PER3: variants seen among roughly 807,000 people sequenced by gnomAD.
PER3 encodes the protein period circadian protein homolog 3.
PER3 carries 107 observed loss-of-function variants against 127.2 expected under a neutral mutation model. The ratio of observed to expected loss-of-function variants is 0.84; its 90% CI spans 0.72 to 0.99. PER3 has a LOEUF of 0.99. Ranked by LOEUF, PER3 falls within the 50% of genes least tolerant of loss-of-function variation. PER3 has a pLI of 0.00. For synonymous variants in PER3, 618 were observed against 585.8 expected, an observed-to-expected ratio of 1.05 and a Z score of -0.79; for missense variants, 1,560 against 1,525.8, an observed-to-expected ratio of 1.02 and a Z score of -0.37.
intron 4 of PER3, chr1:7,787,660 G>T (rs188071045): frequency 1.1e-4 from 35 of 323,112 alleles, no homozygotes; most frequent in Middle Eastern, 1.1e-3. Context: ...AATGAGGTTT[G>T]TCAAGGACAG....
In PER3 at chr1:7,788,188, A is replaced by G. The variant is rs1198796696; in HGVS notation, c.534A>G (p.Val178=). 1 of 1,614,058 alleles carries G rather than the reference A, an allele frequency of 6.2e-7. No homozygotes were observed. The highest frequency in any genetic ancestry group is 8.5e-7 in the Non-Finnish European group (1 of 1,179,924). The part of the protein sequence containing the change: ...VDLLAPQDMR[V]FYAHTARAQL... ...TGCTTGCACCTCAAGACATGAGGGT[A>G]TTCTACGCGCACACTGCCAGAGCTC... Residue 178 remains valine, a synonymous_variant, in exon 5 of 22, where the codon GTA becomes GTG. Coordinates refer to ENST00000377532, the MANE Select transcript of PER3 (RefSeq NM_001377275.1).
Position 7,826,361 on chromosome 1 carries a change from T to A in PER3, c.1958-119T>A. Reference sequence around the variant, plus strand: ...TTCTGTGCTAGGCTAATGAAGATTTTTCGTATTCCAGCAGTTATAATAATG... The same window carrying A: ...TTCTGTGCTAGGCTAATGAAGATTTATCGTATTCCAGCAGTTATAATAATG... On this transcript the variant is annotated intron_variant, in intron 16 of 21. Coordinates refer to ENST00000377532, the MANE Select transcript of PER3 (RefSeq NM_001377275.1). The surrounding 1 kb of genome is among the most constrained non-coding windows in gnomAD (Gnocchi z 4.2). The A allele has an allele frequency of 1.6e-6, 1 of 642,142 alleles. No individual in the cohort carries two copies. The highest frequency in any genetic ancestry group is 2.8e-6 in the Non-Finnish European group (1 of 359,758). 39.8% of individuals were successfully genotyped at this position (642,142 alleles called of 1,614,324 possible). A position where few individuals can be genotyped will look rare whatever the true frequency, so the allele number is the denominator to read the frequency against.
At position 7,785,489 on chromosome 1, in the gene PER3, C is replaced by G. The variant is rs371831124; in HGVS notation, c.177C>G (p.Val59=). The G allele has an allele frequency of 2.2e-4, 361 of 1,611,924 alleles. No individual in the cohort carries two copies. The highest frequency in any genetic ancestry group is 2.8e-4 in the Non-Finnish European group (334 of 1,178,142). Residue 59 remains valine (V), a synonymous_variant, in exon 3 of 22, where the codon GTC becomes GTG. Coordinates refer to ENST00000377532, the MANE Select transcript of PER3 (RefSeq NM_001377275.1). The stretch of plus-strand genomic sequence containing the variant: ...TTTCTGAAGAACTTATCATGGTTGT[C>G]CAAGAAATGAAAAAATACTTCCCCT... The part of the protein sequence containing the change: ...NRVSEELIMV[V]QEMKKYFPSE...
At chr1:7,806,805 AAAAAAAAATAT>A (rs1435467869) in intron 10 of PER3, among the ~76,000 whole-genome samples, 1 of 86,120 alleles carries the variant, frequency 1.2e-5, no homozygotes, top group Non-Finnish European at 2.3e-5. Flanking sequence ...TAAAAAAAAA[AAAAAAAAATAT>A]ATATATATAT....
At chr1:7,830,309 GTA>G in intron 19 of PER3, 148 bp downstream of exon 19, 1 of 680,014 alleles carries the variant, frequency 1.5e-6, no homozygotes, top group Non-Finnish European at 2.5e-6. Context: ...GTATATTGGG[GTA>G]TATTTATACA....
chr1:7,831,732 C>A (rs1021706339), intron 19 of PER3, among the ~76,000 whole-genome samples: 1 of 152,308 alleles, frequency 6.6e-6, no homozygotes, highest in South Asian at 2.1e-4. Flanking sequence ...AATAAATTAA[C>A]CTTGCATTTG....
intron 6 of PER3, among the ~76,000 whole-genome samples, chr1:7,795,568 G>A (rs1021946813): frequency 6.6e-6 from 1 of 152,210 alleles, no homozygotes. Context: ...GGCAGAGGGA[G>A]CAGCAGGCGC....
chr1:7,808,116 C>T (rs1894676), intron 10 of PER3, among the ~76,000 whole-genome samples: 1 of 151,582 alleles, frequency 6.6e-6, no homozygotes, highest in Non-Finnish European at 1.5e-5. Flanking sequence ...ACCTGTAATC[C>T]CAGCTACTCG....
chr1:7,807,483 G>A (rs1405252659), intron 10 of PER3, among the ~76,000 whole-genome samples: 1 of 152,166 alleles, frequency 6.6e-6, no homozygotes, highest in Non-Finnish European at 1.5e-5. Flanking sequence ...TTAGGTAACT[G>A]AGCTGCATGT....
rs60220289 is a variant in PER3 at position 7,808,232 on chromosome 1, C to CAAAAAAAA, written c.1137-641_1137-634dup. Among the ~76,000 whole-genome samples, 59 of 97,712 alleles carry CAAAAAAAA rather than the reference C, an allele frequency of 6.0e-4. 1 individual carries two copies. The highest frequency in any genetic ancestry group is 1.4e-3 in the African/African-American group (42 of 29,540). 64.1% of individuals were successfully genotyped at this position (97,712 alleles called of 152,430 possible). On this transcript the variant is annotated intron_variant, in intron 10 of 21. Coordinates refer to ENST00000377532, the MANE Select transcript of PER3 (RefSeq NM_001377275.1). ...TGGGTGACAGAGCAAGACTCTGTCT[C>CAAAAAAAA]AAAAAAAAAAAAAAAAAAAAAAAAA...
At chr1:7,837,286 C>G in intron 21 of PER3, 137 bp downstream of exon 21, 1 of 614,432 alleles carries the variant, frequency 1.6e-6, no homozygotes. Context: ...TGTTATTATT[C>G]CCTCTTTACC....
At chr1:7,834,067 C>T (rs565061036) in intron 19 of PER3, among the ~76,000 whole-genome samples, 29 of 152,272 alleles carry the variant, frequency 1.9e-4, no homozygotes, top group African/African-American at 4.8e-4. Flanking sequence ...GTACTACAGG[C>T]GTGCACCACC....
intron 21 of PER3, 152 bp from the exon 22 acceptor site, chr1:7,842,520 T>G (rs2097396151): frequency 1.4e-6 from 1 of 702,642 alleles, no homozygotes; most frequent in African/African-American, 1.9e-5. Flanking sequence ...ATAAAAATAG[T>G]TATAATAATA....
At position 7,788,118 on chromosome 1, in the gene PER3, T is replaced by C; in HGVS notation, c.464T>C (p.Leu155Pro). 6.2e-7 allele frequency: 1 copy of C among 1,613,980 alleles called. No homozygotes were observed. The highest frequency in any genetic ancestry group is 2.2e-5 in the East Asian group (1 of 44,878). The stretch of plus-strand genomic sequence containing the variant: ...ATTTCTGAACAGGCTGCTTTGATCC[T>C]GAATCGTAAGAAAGATGTCCTGGCG... ...VHISEQAALILNRKKDVLASS... is the reference protein window; with the variant it reads ...VHISEQAALIPNRKKDVLASS... The change falls in exon 5 of 22, where the codon CTG (leucine) becomes CCG (proline). Residue 155 changes from leucine to proline, a missense_variant. Transcript: ENST00000377532.
Position 7,795,494 on chromosome 1 carries a change from G to A in PER3, c.644+1486G>A, listed in dbSNP as rs1478357946. ...TCTAATTGGAAACAGCGACCAGAAG[G>A]AGGGCAGGGGGTGAGCCACACCGGT... On this transcript the variant is annotated intron_variant, in intron 6 of 21. Coordinates refer to ENST00000377532, the MANE Select transcript of PER3 (RefSeq NM_001377275.1). Among the ~76,000 whole-genome samples, 4 of 152,214 alleles carry A rather than the reference G, an allele frequency of 2.6e-5. No individual in the cohort carries two copies. The East Asian group carries it at 7.7e-4, about 29-fold the overall frequency.
At chr1:7,791,122 A>G (rs192605544) in intron 5 of PER3, among the ~76,000 whole-genome samples, 33 of 152,314 alleles carry the variant, frequency 2.2e-4, no homozygotes, top group African/African-American at 7.5e-4. Flanking sequence ...TGCCCCAGTG[A>G]AGACTGTGTG....
intron 4 of PER3, chr1:7,787,518 A>G (rs1460597182): frequency 4.8e-6 from 2 of 415,702 alleles, no homozygotes; most frequent in African/African-American, 2.1e-5. Flanking sequence ...GCTTAAGAAA[A>G]TATTTGTCTT....
intron 7 of PER3, among the ~76,000 whole-genome samples, chr1:7,800,544 A>G (rs979640551): frequency 1.3e-5 from 2 of 152,110 alleles, no homozygotes; most frequent in African/African-American, 4.8e-5. Context: ...GACCATACCA[A>G]TTTTATTACA....
At chr1:7,790,996 A>T (rs544354253) in intron 5 of PER3, among the ~76,000 whole-genome samples, 1 of 152,218 alleles carries the variant, frequency 6.6e-6, no homozygotes, top group East Asian at 1.9e-4. Flanking sequence ...GGCTGGTTTC[A>T]TGGGCTGGCA....
Sources: gnomAD v4.1 joint callset for allele counts (sites outside exome capture counted in the v4.1 genomes callset) on GRCh38, gnomAD v4.1.1 for gene constraint, Gnocchi (gnomAD v3.1) non-coding constraint, MANE v1.5 for transcripts, NCBI Gene and HGNC (gene_info 2026-07-23, HGNC 2026-07-21) for gene names.